WWC2: variants seen among roughly 807,000 people sequenced by gnomAD.
WWC2 encodes the protein protein WWC2.
Under a neutral mutation model 138.5 loss-of-function variants are expected in WWC2, and 101 were observed. The ratio of observed to expected loss-of-function variants is 0.73; its 90% CI spans 0.62 to 0.86. The LOEUF is 0.86. Ranked by LOEUF, WWC2 falls within the 40% of genes least tolerant of loss-of-function variation. The pLI, the probability that WWC2 is intolerant of heterozygous loss-of-function variation, is 0.00. For missense variants in WWC2, 1,420 were observed against 1,419.4 expected (o/e 1.00, Z -0.01); for synonymous variants, 558 against 538.4 (o/e 1.04, Z -0.50).
intron 1 of WWC2, among the ~76,000 whole-genome samples, chr4:183,139,207 T>G (rs1733215430): frequency 6.6e-6 from 1 of 152,202 alleles, no homozygotes; most frequent in African/African-American, 2.4e-5. Context: ...AGCTAGAAGC[T>G]GGAAATCCAG....
At chr4:183,274,481 G>A (rs1737789792) in intron 16 of WWC2, among the ~76,000 whole-genome samples, 1 of 152,142 alleles carries the variant, frequency 6.6e-6, no homozygotes, top group Admixed American at 6.5e-5. Flanking sequence ...GTAATGTGCT[G>A]ATGTCCTAAT....
chr4:183,219,701 T>G (rs1735868101), intron 4 of WWC2, among the ~76,000 whole-genome samples: 1 of 152,230 alleles, frequency 6.6e-6, no homozygotes. Flanking sequence ...GGAAGTAGAC[T>G]GCACATTTTA....
At position 183,318,209 on chromosome 4, in the gene WWC2, G is replaced by C. The variant is rs1287456243; in HGVS notation, c.*2480G>C. 1 of 152,530 alleles carries C rather than the reference G, an allele frequency of 6.6e-6. No individual in the cohort carries two copies. Among genetic ancestry groups the C allele is most frequent in the Admixed American group, 6.6e-5 (1 of 15,264 alleles). 9.4% of individuals were successfully genotyped at this position (152,530 alleles called of 1,614,324 possible). A position where few individuals can be genotyped will look rare whatever the true frequency, so the allele number is the denominator to read the frequency against. Reference sequence around the variant, plus strand: ...ACAATTTTGTATATCAGAATCTTAAGTGTTACAGGTACAAAAAGAATATTG... The same window carrying C: ...ACAATTTTGTATATCAGAATCTTAACTGTTACAGGTACAAAAAGAATATTG... On this transcript the variant is annotated 3_prime_UTR_variant, in exon 23 of 23. Transcript: ENST00000403733.
intron 1 of WWC2, among the ~76,000 whole-genome samples, chr4:183,134,001 C>G (rs546303641): frequency 6.6e-6 from 1 of 152,142 alleles, no homozygotes; most frequent in African/African-American, 2.4e-5. Context: ...TTCAGGTTTT[C>G]TATTTCTTCT....
At chr4:183,133,277 C>T (rs765620931) in intron 1 of WWC2, among the ~76,000 whole-genome samples, 1 of 151,064 alleles carries the variant, frequency 6.6e-6, no homozygotes. Context: ...GTCTCTGCCT[C>T]CCAAGAGGCT....
At chr4:183,142,172 C>T (rs1240281849) in intron 1 of WWC2, among the ~76,000 whole-genome samples, 1 of 152,176 alleles carries the variant, frequency 6.6e-6, no homozygotes, top group African/African-American at 2.4e-5. Context: ...ACAGAGGCCC[C>T]ATACCTGGGA....
At chr4:183,215,044 G>T (rs1214194804) in intron 4 of WWC2, among the ~76,000 whole-genome samples, 1 of 152,076 alleles carries the variant, frequency 6.6e-6, no homozygotes, top group Non-Finnish European at 1.5e-5. Flanking sequence ...TTATTCATAG[G>T]GCATATGGTC....
intron 4 of WWC2, among the ~76,000 whole-genome samples, chr4:183,210,116 A>G (rs1735555006): frequency 6.6e-6 from 1 of 152,136 alleles, no homozygotes; most frequent in Admixed American, 6.5e-5. Flanking sequence ...CGTAATATTG[A>G]TGTACATTAA....
intron 1 of WWC2, among the ~76,000 whole-genome samples, chr4:183,184,178 C>G (rs1734727171): frequency 1.3e-5 from 2 of 152,166 alleles, no homozygotes. Flanking sequence ...AACCTACTTT[C>G]CTTTTTTATG....
At chr4:183,190,383 T>C (rs1039070242) in intron 1 of WWC2, among the ~76,000 whole-genome samples, 1 of 152,330 alleles carries the variant, frequency 6.6e-6, no homozygotes, top group East Asian at 1.9e-4. Context: ...TTAGTTCTTT[T>C]TGCTTTGTGT....
chr4:183,268,268 A>C (rs1177972534), intron 14 of WWC2, among the ~76,000 whole-genome samples: 2 of 152,288 alleles, frequency 1.3e-5, no homozygotes, highest in African/African-American at 4.8e-5. Flanking sequence ...CGCTCTTTCT[A>C]AGAATTGTGG....
At chr4:183,127,724 T>C (rs1487302492) in intron 1 of WWC2, among the ~76,000 whole-genome samples, 1 of 152,206 alleles carries the variant, frequency 6.6e-6, no homozygotes, top group Admixed American at 6.5e-5. Flanking sequence ...CATTTTACTA[T>C]CTATATTATA....
At chr4:183,287,892 G>C (rs555619409) in intron 20 of WWC2, among the ~76,000 whole-genome samples, 61 of 152,266 alleles carry the variant, frequency 4.0e-4, no homozygotes, top group Admixed American at 1.2e-3. Context: ...GTGATGGTAG[G>C]AGTATTTACC....
Position 183,282,847 on chromosome 4 carries a change from A to C in WWC2, c.2824A>C (p.Lys942Gln). ...VPEMNEDGNR[K>Q]ESNCAKDLRS... Reference sequence around the variant, plus strand: ...TGAGATGAATGAAGACGGGAACAGGAAAGAAAGCAACTGTGCCAAAGACCT... The same window carrying C: ...TGAGATGAATGAAGACGGGAACAGGCAAGAAAGCAACTGTGCCAAAGACCT... The change falls in exon 18 of 23, where the codon AAA becomes CAA. Residue 942 changes from lysine (K) to glutamine (Q), a missense_variant. Coordinates refer to ENST00000403733, the MANE Select transcript of WWC2 (RefSeq NM_024949.6). The C allele has an allele frequency of 6.3e-7, 1 of 1,592,642 alleles. No homozygotes were observed. The highest frequency in any genetic ancestry group is 2.3e-5 in the East Asian group (1 of 44,066).
At chr4:183,138,126 T>C (rs896580662) in intron 1 of WWC2, among the ~76,000 whole-genome samples, 1 of 152,152 alleles carries the variant, frequency 6.6e-6, no homozygotes, top group African/African-American at 2.4e-5. Flanking sequence ...TAGGGTAAAA[T>C]TGGGCTGTAA....
At chr4:183,176,254 A>G (rs758510040) in intron 1 of WWC2, among the ~76,000 whole-genome samples, 1 of 152,114 alleles carries the variant, frequency 6.6e-6, no homozygotes, top group Non-Finnish European at 1.5e-5. Context: ...AATAGTAGGT[A>G]TGGGATTGAT....
Position 183,289,564 on chromosome 4 carries a change from G to A in WWC2, c.3313G>A (p.Glu1105Lys). The A allele has an allele frequency of 1.9e-6, 3 of 1,613,996 alleles. No homozygotes were observed. Among genetic ancestry groups the A allele is most frequent in the Non-Finnish European group, 2.5e-6 (3 of 1,179,896 alleles). The change falls in exon 21 of 23, where the codon GAG (glutamate) becomes AAG (lysine). Residue 1105 changes from glutamate to lysine, a missense_variant. Glu to Lys is a moderately conservative substitution (Grantham distance 56). Transcript: ENST00000403733. ...QKLEELKAQG[E>K]TDLPPGVLED... ...GCTGGAGGAACTGAAAGCTCAGGGA[G>A]AGACTGACCTTCCACCAGGCGTGCT...
intron 6 of WWC2, among the ~76,000 whole-genome samples, chr4:183,247,717 T>C (rs1736841944): frequency 7.1e-6 from 1 of 140,028 alleles, no homozygotes; most frequent in Non-Finnish European, 1.5e-5. Flanking sequence ...ATGTACTATA[T>C]ATACTATATA....
At position 183,230,630 on chromosome 4, in the gene WWC2, T is replaced by C. The variant is rs148471748; in HGVS notation, c.523-9553T>C. ...AGGCAGAGGTTGCAGTGAGCCGAGATTGTGTCATTGCACCCAGCCTGGGCA... is the reference window on the plus strand; with the variant it reads ...AGGCAGAGGTTGCAGTGAGCCGAGACTGTGTCATTGCACCCAGCCTGGGCA... On this transcript the variant is annotated intron_variant, in intron 4 of 22. Transcript: ENST00000403733. Among the ~76,000 whole-genome samples, 1,233 of 152,194 alleles carry C rather than the reference T, an allele frequency of 8.1e-3. 12 individuals carry two copies. The highest frequency in any genetic ancestry group is 0.014 in the Non-Finnish European group (928 of 67,998).
Sources: allele counts gnomAD v4.1 joint callset (sites outside exome capture counted in the v4.1 genomes callset), GRCh38; gene constraint gnomAD v4.1.1; transcripts MANE v1.5; gene names NCBI Gene and HGNC (gene_info 2026-07-23, HGNC 2026-07-21).